TMEM169: variants seen among roughly 807,000 people sequenced by gnomAD.
The protein encoded by TMEM169 is transmembrane protein 169.
In TMEM169, 18 loss-of-function variants were observed where a neutral mutation model predicts 27.3. That is an observed-to-expected ratio of 0.66 (90% confidence interval 0.46 to 0.98). The LOEUF is 0.98. Ranked by LOEUF, TMEM169 falls within the 50% of genes least tolerant of loss-of-function variation. The pLI is 0.00. For missense variants in TMEM169, 320 were observed against 368.6 expected (o/e 0.87, Z 1.08); for synonymous variants, 136 against 142.1 (o/e 0.96, Z 0.30).
rs944044828 is a variant in TMEM169, at chr2:216,091,496, G to A, written c.-126-4342G>A. Among the ~76,000 whole-genome samples, 33 of 146,576 alleles carry A rather than the reference G, an allele frequency of 2.3e-4. 1 individual carries two copies. Among genetic ancestry groups the A allele is most frequent in the African/African-American group, 7.7e-4 (30 of 38,850 alleles). ...TGCTTGAACTTGGGAGGCAGAGGTT[G>A]CAGTGAGCCAAGATTGCGCCACTGC... On this transcript the variant is annotated intron_variant, in intron 1 of 2. Transcript: ENST00000437356.
At position 216,102,149 on chromosome 2, in the gene TMEM169, T is replaced by C. The variant is rs1456269085; in HGVS notation, c.*1607T>C. The C allele has an allele frequency of 1.3e-5, 2 of 152,098 alleles. No individual in the cohort carries two copies. The highest frequency in any genetic ancestry group is 2.9e-5 in the Non-Finnish European group (2 of 68,030). 9.4% of individuals were successfully genotyped at this position (152,098 alleles called of 1,614,324 possible). A position where few individuals can be genotyped will look rare whatever the true frequency, so the allele number is the denominator to read the frequency against. On this transcript the variant is annotated 3_prime_UTR_variant, in exon 3 of 3. Coordinates refer to ENST00000437356, the MANE Select transcript of TMEM169 (RefSeq NM_001142311.2). ...AGATTAAAGACCAGGAAGGGAGGAA[T>C]TGCATCTGCCAAAGTTTCCTCCAAC...
intron 1 of TMEM169, among the ~76,000 whole-genome samples, chr2:216,088,396 G>A (rs922077056): frequency 2.0e-5 from 3 of 152,296 alleles, no homozygotes; most frequent in Admixed American, 6.5e-5. Flanking sequence ...CCCGGGAGGC[G>A]GAGCTTGCAG....
Position 216,099,296 on chromosome 2 carries a change from T to A in TMEM169, c.272-624T>A, listed in dbSNP as rs1413407482. On this transcript the variant is annotated intron_variant, in intron 2 of 2. Coordinates refer to ENST00000437356, the MANE Select transcript of TMEM169 (RefSeq NM_001142311.2). This position sits in a 1 kb window ranked among gnomAD's most constrained non-coding sequence, Gnocchi z 5.0. ...TGCATGGTGTGTGGTGTGTGGTGTG[T>A]GTATGGGATAGTGTAGTGTGTGTAT... 1.3e-5 allele frequency among the ~76,000 whole-genome samples: 2 copies of A among 151,596 alleles called. No individual in the cohort carries two copies. The highest frequency in any genetic ancestry group is 2.4e-5 in the African/African-American group (1 of 41,136).
Position 216,083,636 on chromosome 2 carries a change from A to G in TMEM169, c.-127+1657A>G, listed in dbSNP as rs566603669. On this transcript the variant is annotated intron_variant, in intron 1 of 2. Transcript: ENST00000437356. Reference sequence around the variant, plus strand: ...GGATTCTGATGTCTTCCAGTGAAACAGGGACTGGGGCCTGCAAACCGGTTA... The same window carrying G: ...GGATTCTGATGTCTTCCAGTGAAACGGGGACTGGGGCCTGCAAACCGGTTA... Among the ~76,000 whole-genome samples the G allele has an allele frequency of 2.6e-5, 4 of 152,234 alleles. No homozygotes were observed. The South Asian group carries it at 8.3e-4, about 32-fold the overall frequency.
rs1696251755 is a variant in TMEM169 at position 216,095,943 on chromosome 2, T to C, written c.-21T>C. Reference sequence around the variant, plus strand: ...AACAAGTCCAACTCTTTATAAGACATAGGTAGACGTCAGGTCTGGAATGGA... The same window carrying C: ...AACAAGTCCAACTCTTTATAAGACACAGGTAGACGTCAGGTCTGGAATGGA... On this transcript the variant is annotated 5_prime_UTR_variant, in exon 2 of 3. Coordinates refer to ENST00000437356, the MANE Select transcript of TMEM169 (RefSeq NM_001142311.2). The C allele has an allele frequency of 6.8e-6, 11 of 1,606,052 alleles. No individual in the cohort carries two copies. The highest frequency in any genetic ancestry group is 2.2e-5 in the South Asian group (2 of 90,520).
intron 1 of TMEM169, among the ~76,000 whole-genome samples, chr2:216,085,838 T>A (rs1574428859): frequency 6.7e-6 from 1 of 148,882 alleles, no homozygotes; most frequent in Admixed American, 6.7e-5. Context: ...GCCATTGCAC[T>A]CCAGCCAAGG....
intron 1 of TMEM169, among the ~76,000 whole-genome samples, chr2:216,089,422 T>C (rs1696077943): frequency 6.6e-6 from 1 of 152,194 alleles, no homozygotes; most frequent in African/African-American, 2.4e-5. Context: ...TACTACCACT[T>C]GACTACTTCT....
At chr2:216,091,568 A>T (rs1696126672) in intron 1 of TMEM169, among the ~76,000 whole-genome samples, 1 of 139,466 alleles carries the variant, frequency 7.2e-6, no homozygotes, top group Non-Finnish European at 1.6e-5. Context: ...AAAAAAAAAA[A>T]AAAAAAAAAA....
At chr2:216,097,530 C>T (rs1696290445) in intron 2 of TMEM169, among the ~76,000 whole-genome samples, 1 of 152,008 alleles carries the variant, frequency 6.6e-6, no homozygotes, top group East Asian at 1.9e-4. Flanking sequence ...AGTCGAAATC[C>T]TGCCACTGCA....
chr2:216,087,833 C>A, intron 1 of TMEM169, among the ~76,000 whole-genome samples: 1 of 152,160 alleles, frequency 6.6e-6, no homozygotes, highest in Non-Finnish European at 1.5e-5. Flanking sequence ...GTCCAAGTGT[C>A]CTCTTCTGCA....
intron 1 of TMEM169, among the ~76,000 whole-genome samples, chr2:216,087,249 A>G (rs1192061598): frequency 1.3e-5 from 2 of 152,246 alleles, no homozygotes; most frequent in Non-Finnish European, 2.9e-5. Flanking sequence ...ACAGGCCTTC[A>G]GATATATTTT....
At chr2:216,098,585 A>G (rs961463941) in intron 2 of TMEM169, among the ~76,000 whole-genome samples, 1 of 152,026 alleles carries the variant, frequency 6.6e-6, no homozygotes, top group Admixed American at 6.6e-5. Context: ...GCTTCATCTT[A>G]TCTCTCAGTT....
In TMEM169 at chr2:216,100,509, C is replaced by T. The variant is rs1442127999; in HGVS notation, c.861C>T (p.Asp287=). 6.2e-7 allele frequency: 1 copy of T among 1,614,090 alleles called. No homozygotes were observed. Among genetic ancestry groups the T allele is most frequent in the East Asian group, 2.2e-5 (1 of 44,878 alleles). ...TCTCAAGCACTCTCTCCAACAAGGACCCCATCCAAGAAGTAGAAACCTCCA... is the reference window on the plus strand; with the variant it reads ...TCTCAAGCACTCTCTCCAACAAGGATCCCATCCAAGAAGTAGAAACCTCCA... The part of the protein sequence containing the change: ...DNISSTLSNK[D]PIQEVETSTV The change falls in exon 3 of 3, where the codon GAC becomes GAT. Residue 287 remains aspartate, a synonymous_variant. Transcript: ENST00000437356.
At chr2:216,083,070 C>G (rs1377499652) in intron 1 of TMEM169, 1 of 152,240 alleles carries the variant, frequency 6.6e-6, no homozygotes, top group Admixed American at 6.5e-5. Context: ...GCTCCATCCT[C>G]TTGTCCTTCT....
At chr2:216,085,912 A>G (rs1695984962) in intron 1 of TMEM169, among the ~76,000 whole-genome samples, 1 of 151,966 alleles carries the variant, frequency 6.6e-6, no homozygotes, top group African/African-American at 2.4e-5. Context: ...TATCTGGATA[A>G]TTTTTTTCAA....
rs545100596 is a variant in TMEM169 at position 216,099,427 on chromosome 2, G to C, written c.272-493G>C. Among the ~76,000 whole-genome samples, 1 of 151,908 alleles carries C rather than the reference G, an allele frequency of 6.6e-6. No individual in the cohort carries two copies. ...ATATGTGGGATGCATGTGTGTATGC[G>C]TGCAGCCCCTGGATGTGAGGGCTGG... is the stretch of plus-strand genomic sequence containing the variant. On this transcript the variant is annotated intron_variant, in intron 2 of 2. Transcript: ENST00000437356. This position sits in a 1 kb window ranked among gnomAD's most constrained non-coding sequence, Gnocchi z 5.0.
At chr2:216,082,427 GTC>G (rs1695886723) in intron 1 of TMEM169, 1 of 152,400 alleles carries the variant, frequency 6.6e-6, no homozygotes. Context: ...GCCCACCTCC[GTC>G]TCACCTCCCA....
Position 216,099,275 on chromosome 2 carries a change from T to TGGTGTGTGG in TMEM169, c.272-644_272-636dup, listed in dbSNP as rs1696332861. ...GTGTATGTGGTATGTGTGATGTGCA[T>TGGTGTGTGG]GGTGTGTGGTGTGTGGTGTGTGTAT... is the stretch of plus-strand genomic sequence containing the variant. On this transcript the variant is annotated intron_variant, in intron 2 of 2. Transcript: ENST00000437356. The surrounding 1 kb of genome is among the most constrained non-coding windows in gnomAD (Gnocchi z 5.0). Among the ~76,000 whole-genome samples, 1 of 148,098 alleles carries TGGTGTGTGG rather than the reference T, an allele frequency of 6.8e-6. No homozygotes were observed. The highest frequency in any genetic ancestry group is 2.0e-4 in the East Asian group (1 of 5,100).
intron 2 of TMEM169, among the ~76,000 whole-genome samples, chr2:216,098,243 G>A (rs1029615257): frequency 6.6e-6 from 1 of 152,164 alleles, no homozygotes; most frequent in Admixed American, 6.5e-5. Flanking sequence ...AATTATAAGG[G>A]TTAAGACTGG....
Sources: allele counts gnomAD v4.1 joint callset (sites outside exome capture counted in the v4.1 genomes callset), GRCh38; gene constraint gnomAD v4.1.1; non-coding constraint Gnocchi (gnomAD v3.1); transcripts MANE v1.5; gene names NCBI Gene and HGNC (gene_info 2026-07-23, HGNC 2026-07-21).